Variants in PCBP3 observed in about 807,000 individuals in gnomAD.
PCBP3 encodes the protein poly(rC)-binding protein 3.
PCBP3 carries 25 observed loss-of-function variants against 52.7 expected under a neutral mutation model. The ratio of observed to expected loss-of-function variants is 0.47; its 90% confidence interval spans 0.35 to 0.66. The LOEUF is 0.66. Among genes scored for constraint, PCBP3 ranks in the 30% least tolerant of loss-of-function variants. PCBP3 has a pLI of 0.01. For synonymous variants in PCBP3, 162 were observed against 183.0 expected (o/e 0.89, Z 0.93); for missense variants, 391 against 490.3 (o/e 0.80, Z 1.91).
At chr21:45,914,220 CAG>C (rs934619105) in intron 12 of PCBP3, 195 bp downstream of exon 12, 1 of 806,574 alleles carries the variant, frequency 1.2e-6, no homozygotes, top group Non-Finnish European at 1.9e-6. Context: ...CATTCCCCCA[CAG>C]AGACGGCCCC....
intron 6 of PCBP3, among the ~76,000 whole-genome samples, chr21:45,898,359 T>C (rs13050086): frequency 0.13 from 4,809 of 38,258 alleles, 767 homozygotes; most frequent in African/African-American, 0.23. Flanking sequence ...ACCATCCTCA[T>C]GGTCTCCCTC....
chr21:45,815,936 A>G (rs1603442382), intron 4 of PCBP3, among the ~76,000 whole-genome samples: 2 of 82,826 alleles, frequency 2.4e-5, no homozygotes, highest in Admixed American at 1.2e-4. Context: ...GTGGTGAGTG[A>G]GTGGTGAGTG....
At chr21:45,896,786 G>A (rs924367374) in intron 6 of PCBP3, among the ~76,000 whole-genome samples, 170 of 148,862 alleles carry the variant, frequency 1.1e-3, no homozygotes, top group African/African-American at 3.7e-3. Context: ...CGCACTGCCT[G>A]GGCCATTGTC....
intron 4 of PCBP3, among the ~76,000 whole-genome samples, chr21:45,780,775 C>T (rs1332396828): frequency 6.6e-6 from 1 of 152,172 alleles, no homozygotes; most frequent in Admixed American, 6.5e-5. Flanking sequence ...CATGTGCACT[C>T]AACCAGCAGG....
chr21:45,840,077 A>G (rs527552626), intron 4 of PCBP3, among the ~76,000 whole-genome samples: 2 of 152,192 alleles, frequency 1.3e-5, no homozygotes, highest in African/African-American at 2.4e-5. Context: ...ATATAAAGAA[A>G]ATATTTTGTG....
chr21:45,905,809 A>T (rs536220277), intron 9 of PCBP3, among the ~76,000 whole-genome samples: 1 of 152,236 alleles, frequency 6.6e-6, no homozygotes, highest in South Asian at 2.1e-4. Context: ...CCCCATCTCT[A>T]AACACAATCA....
chr21:45,818,063 C>T (rs1031841812), intron 4 of PCBP3, among the ~76,000 whole-genome samples: 94 of 152,210 alleles, frequency 6.2e-4, no homozygotes, highest in African/African-American at 2.2e-3. Context: ...CGCACTGTCG[C>T]CCAGGCTGGA....
chr21:45,658,572 G>A (rs1037317609), intron 1 of PCBP3, among the ~76,000 whole-genome samples: 2 of 152,172 alleles, frequency 1.3e-5, no homozygotes, highest in African/African-American at 2.4e-5. Flanking sequence ...CCAAAATGCT[G>A]GGATTACAGA....
At chr21:45,725,393 A>AT (rs936900517) in intron 2 of PCBP3, among the ~76,000 whole-genome samples, 49 of 152,140 alleles carry the variant, frequency 3.2e-4, no homozygotes, top group Non-Finnish European at 1.3e-4. Context: ...TCATTCTGTG[A>AT]TTTTTAGAAA....
chr21:45,657,274 A>C (rs1458386199), intron 1 of PCBP3, among the ~76,000 whole-genome samples: 1 of 152,098 alleles, frequency 6.6e-6, no homozygotes, highest in Non-Finnish European at 1.5e-5. Context: ...TTTTATTCTA[A>C]GGGTTTTATA....
intron 15 of PCBP3, among the ~76,000 whole-genome samples, chr21:45,932,907 A>G (rs1038573475): frequency 1.4e-5 from 2 of 145,948 alleles, no homozygotes; most frequent in African/African-American, 5.1e-5. Flanking sequence ...GAATAAACAC[A>G]TCAGCCAAGC....
chr21:45,904,139 A>T lies in PCBP3; in HGVS notation c.339+3026A>T, dbSNP rs2096138442. 6.6e-6 allele frequency among the ~76,000 whole-genome samples: 1 copy of T among 152,166 alleles called. No individual in the cohort carries two copies. Among genetic ancestry groups the T allele is most frequent in the Admixed American group, 6.5e-5 (1 of 15,272 alleles). On this transcript the variant is annotated intron_variant, in intron 9 of 17. Transcript: ENST00000681687. This position sits in a 1 kb window ranked among gnomAD's most constrained non-coding sequence, Gnocchi z 4.8. ...CGTAACCTACGCTATTACGTAGGTT[A>T]TGTAGGGCTGTGCTGAGTCCTCTAC...
intron 2 of PCBP3, among the ~76,000 whole-genome samples, chr21:45,729,303 A>AT (rs1156421916): frequency 6.6e-6 from 1 of 152,254 alleles, no homozygotes; most frequent in East Asian, 1.9e-4. Context: ...TTATCCATTC[A>AT]TTTGCTGATG....
intron 4 of PCBP3, among the ~76,000 whole-genome samples, chr21:45,771,616 A>T (rs1165170141): frequency 1.3e-5 from 2 of 152,204 alleles, no homozygotes; most frequent in African/African-American, 2.4e-5. Context: ...AATCTTCCTC[A>T]GATGCATGGT....
intron 2 of PCBP3, among the ~76,000 whole-genome samples, chr21:45,680,019 T>A (rs1233435078): frequency 6.6e-6 from 1 of 152,222 alleles, no homozygotes; most frequent in African/African-American, 2.4e-5. Context: ...CCAAAATCAT[T>A]TGGGCACCTT....
At chr21:45,869,238 C>G (rs576950982) in intron 5 of PCBP3, 298 of 152,340 alleles carry the variant, frequency 2.0e-3, no homozygotes, top group African/African-American at 6.9e-3. Context: ...GCGCACATCG[C>G]TGGGATGCTG....
chr21:45,907,339 C>T (rs1451962206), intron 9 of PCBP3, among the ~76,000 whole-genome samples: 2 of 152,202 alleles, frequency 1.3e-5, no homozygotes, highest in South Asian at 4.1e-4. Flanking sequence ...CCTACTTCTG[C>T]GTTCGAGTGG....
chr21:45,746,192 CCG>C (rs1457593920), intron 3 of PCBP3, among the ~76,000 whole-genome samples: 37 of 138,216 alleles, frequency 2.7e-4, no homozygotes, highest in African/African-American at 6.8e-4. Flanking sequence ...GTCAGCATCA[CCG>C]TGTCAGTCCA....
At chr21:45,751,519 T>A (rs1436142336) in intron 3 of PCBP3, 1 of 152,408 alleles carries the variant, frequency 6.6e-6, no homozygotes, top group Non-Finnish European at 1.5e-5. Context: ...ATTCTTCCTT[T>A]TGCTTCCTCT....
Sources: allele counts gnomAD v4.1 joint callset (sites outside exome capture counted in the v4.1 genomes callset), GRCh38; gene constraint gnomAD v4.1.1; non-coding constraint Gnocchi (gnomAD v3.1); transcripts MANE v1.5; gene names NCBI Gene and HGNC (gene_info 2026-07-23, HGNC 2026-07-21).